BABAM2: variants seen among roughly 807,000 people sequenced by gnomAD.
The protein encoded by BABAM2 is BRISC and BRCA1-A complex member 2.
BABAM2 carries 31 observed loss-of-function variants against 54.7 expected under a neutral mutation model. The ratio of observed to expected loss-of-function variants is 0.57; its 90% CI spans 0.43 to 0.77. The LOEUF (loss-of-function observed/expected upper bound fraction) is 0.77, where lower values mean the gene tolerates loss of function less well. BABAM2 is among the 30% of genes least tolerant of loss of function. The pLI, the probability that BABAM2 is intolerant of heterozygous loss-of-function variation, is 0.00. For missense variants in BABAM2, 364 were observed against 455.8 expected (o/e 0.80, Z 1.83); for synonymous variants, 167 against 162.9 (o/e 1.03, Z -0.19).
intron 7 of BABAM2, among the ~76,000 whole-genome samples, chr2:28,144,322 G>T (rs938358190): frequency 6.6e-6 from 1 of 152,004 alleles, no homozygotes; most frequent in Non-Finnish European, 1.5e-5. Flanking sequence ...CTGTGCACAG[G>T]GACCTTAGGT....
In BABAM2 at chr2:28,316,924, T is replaced by C. The variant is rs780119714; in HGVS notation, c.1088+18433T>C. Among the ~76,000 whole-genome samples, 48 of 152,232 alleles carry C rather than the reference T, an allele frequency of 3.2e-4. 1 individual carries two copies. The highest frequency in any genetic ancestry group is 5.4e-4 in the Non-Finnish European group (37 of 68,040). ...CAGATTTTGAGTCTGAATTCAGGTC[T>C]AGGTGTCTGTCTACTACTTTGGGCT... On this transcript the variant is annotated intron_variant, in intron 11 of 11. Coordinates refer to ENST00000379624, the MANE Select transcript of BABAM2 (RefSeq NM_199191.3).
chr2:27,956,460 A>G (rs1670096582), intron 3 of BABAM2, among the ~76,000 whole-genome samples: 1 of 152,250 alleles, frequency 6.6e-6, no homozygotes. Flanking sequence ...AGTCTCTAAA[A>G]TAATATATTG....
chr2:28,136,383 A>G (rs553232450), intron 7 of BABAM2, among the ~76,000 whole-genome samples: 32 of 152,198 alleles, frequency 2.1e-4, no homozygotes, highest in Middle Eastern at 3.4e-3. Flanking sequence ...CCTCTTTTCC[A>G]TCAGTTGAGG....
In BABAM2 at chr2:27,916,099, T is replaced by G. The variant is rs1666947430; in HGVS notation, c.129-13733T>G. Among the ~76,000 whole-genome samples, 4 of 152,296 alleles carry G rather than the reference T, an allele frequency of 2.6e-5. No homozygotes were observed. In the South Asian group the frequency reaches 8.3e-4, roughly 32 times the overall value. ...TCAAAGCTCTGCTAGTACATTCCCT[T>G]GAGAATCAGAGCTATTGGAGCATGC... On this transcript the variant is annotated intron_variant, in intron 2 of 11. Transcript: ENST00000379624.
chr2:28,090,262 T>G (rs1214730184), intron 6 of BABAM2, among the ~76,000 whole-genome samples: 1 of 152,192 alleles, frequency 6.6e-6, no homozygotes, highest in Non-Finnish European at 1.5e-5. Context: ...CTCTCTTTTT[T>G]TGAGATGGAG....
At chr2:28,182,128 C>A (rs899883873) in intron 7 of BABAM2, among the ~76,000 whole-genome samples, 3 of 152,084 alleles carry the variant, frequency 2.0e-5, no homozygotes, top group Non-Finnish European at 4.4e-5. Flanking sequence ...TCATGTAGGG[C>A]CTTACAGGCC....
chr2:28,063,987 T>C (rs1679112618), intron 6 of BABAM2, among the ~76,000 whole-genome samples: 1 of 152,210 alleles, frequency 6.6e-6, no homozygotes, highest in East Asian at 1.9e-4. Context: ...TCTGTCTCAC[T>C]CAAAAGCCCA....
chr2:28,112,745 A>G (rs1187765817), intron 6 of BABAM2, among the ~76,000 whole-genome samples: 32 of 152,156 alleles, frequency 2.1e-4, no homozygotes, highest in Non-Finnish European at 4.0e-4. Flanking sequence ...GCTGGGTCAA[A>G]TGGTATTTCT....
intron 7 of BABAM2, among the ~76,000 whole-genome samples, chr2:28,188,645 A>G (rs558712441): frequency 2.0e-5 from 3 of 152,184 alleles, no homozygotes; most frequent in African/African-American, 4.8e-5. Flanking sequence ...GGCTTTCCCA[A>G]CAACAGGCCT....
intron 7 of BABAM2, among the ~76,000 whole-genome samples, chr2:28,211,386 C>CTTTTTTTTTTTTTTTTTTTT (rs770284745): frequency 9.3e-5 from 9 of 96,902 alleles, no homozygotes; most frequent in East Asian, 3.6e-4. Flanking sequence ...TCCTTATTAT[C>CTTTTTTTTTTTTTTTTTTTT]TTTTTTTTTT....
intron 3 of BABAM2, among the ~76,000 whole-genome samples, chr2:27,968,297 T>C (rs1670968277): frequency 6.6e-6 from 1 of 152,234 alleles, no homozygotes; most frequent in Admixed American, 6.5e-5. Context: ...GCTTGGGCCA[T>C]GGCTTCAGAG....
chr2:28,073,834 G>A (rs970088768), intron 6 of BABAM2, among the ~76,000 whole-genome samples: 10 of 152,022 alleles, frequency 6.6e-5, no homozygotes, highest in African/African-American at 2.4e-4. Flanking sequence ...TGGGGAGTGG[G>A]GGAGGTACTC....
At position 28,329,889 on chromosome 2, in the gene BABAM2, T is replaced by C. The variant is rs190905225; in HGVS notation, c.1089-8561T>C. ...GCAGAGATACAACAAAAAAAGAAAATGTCAGGCCAATACTCCTGATGAACA... is the reference window on the plus strand; with the variant it reads ...GCAGAGATACAACAAAAAAAGAAAACGTCAGGCCAATACTCCTGATGAACA... On this transcript the variant is annotated intron_variant, in intron 11 of 11. Transcript: ENST00000379624. This position sits in a 1 kb window ranked among gnomAD's most constrained non-coding sequence, Gnocchi z 4.2. Among the ~76,000 whole-genome samples the C allele has an allele frequency of 2.0e-5, 3 of 152,154 alleles. No homozygotes were observed. Among genetic ancestry groups the C allele is most frequent in the Admixed American group, 6.5e-5 (1 of 15,278 alleles).
intron 10 of BABAM2, among the ~76,000 whole-genome samples, chr2:28,276,790 A>G (rs569994067): frequency 2.0e-5 from 3 of 152,362 alleles, no homozygotes; most frequent in South Asian, 4.1e-4. Context: ...TAGCTTGCAA[A>G]GGCTTCATCT....
intron 4 of BABAM2, among the ~76,000 whole-genome samples, chr2:27,992,652 G>T (rs754692020): frequency 6.6e-6 from 1 of 152,176 alleles, no homozygotes; most frequent in African/African-American, 2.4e-5. Context: ...ATTATTGTAG[G>T]TTGGAATTTT....
chr2:28,172,571 C>A (rs1467526927), intron 7 of BABAM2, among the ~76,000 whole-genome samples: 1 of 152,206 alleles, frequency 6.6e-6, no homozygotes, highest in African/African-American at 2.4e-5. Flanking sequence ...ACTGCACTTT[C>A]TATCAACTTA....
At chr2:28,168,032 G>C (rs1268145186) in intron 7 of BABAM2, among the ~76,000 whole-genome samples, 1 of 152,138 alleles carries the variant, frequency 6.6e-6, no homozygotes, top group East Asian at 1.9e-4. Context: ...ATCTGAATAA[G>C]AGAGTTTTCG....
chr2:28,109,102 G>C (rs976718083), intron 6 of BABAM2, among the ~76,000 whole-genome samples: 10 of 151,992 alleles, frequency 6.6e-5, no homozygotes, highest in Admixed American at 5.9e-4. Context: ...CAGCTGACCA[G>C]GGGAGGAAGG....
At chr2:28,136,149 T>C (rs72814468) in intron 7 of BABAM2, among the ~76,000 whole-genome samples, 12,521 of 152,288 alleles carry the variant, frequency 0.082, 723 homozygotes, top group Non-Finnish European at 0.13. Context: ...TTCCATACCT[T>C]GCTCAGGCTG....
Sources: allele counts gnomAD v4.1 joint callset (sites outside exome capture counted in the v4.1 genomes callset), GRCh38; gene constraint gnomAD v4.1.1; non-coding constraint Gnocchi (gnomAD v3.1); transcripts MANE v1.5; gene names NCBI Gene and HGNC (gene_info 2026-07-23, HGNC 2026-07-21).